Variants in ROCK1 observed in about 807,000 individuals in gnomAD.
ROCK1 encodes the protein rho-associated protein kinase 1.
ROCK1 carries 36 observed loss-of-function variants against 196.8 expected under a neutral mutation model. That is an observed-to-expected ratio of 0.18 (90% CI 0.14 to 0.24). ROCK1 has a LOEUF of 0.24. Ranked by LOEUF, ROCK1 falls within the 10% of genes least tolerant of loss-of-function variation. The pLI is 1.00. For missense variants in ROCK1, 920 were observed against 1,562.0 expected, an observed-to-expected ratio of 0.59 and a Z score of 6.93; for synonymous variants, 443 against 515.9, an observed-to-expected ratio of 0.86 and a Z score of 1.91.
intron 27 of ROCK1, among the ~76,000 whole-genome samples, chr18:20,965,163 G>A (rs2143349087): frequency 6.6e-6 from 1 of 152,270 alleles, no homozygotes; most frequent in South Asian, 2.1e-4. Flanking sequence ...GCCAAGGCAG[G>A]CAGATAGCTT....
At chr18:21,063,378 G>A (rs1342433820) in intron 2 of ROCK1, among the ~76,000 whole-genome samples, 1 of 152,160 alleles carries the variant, frequency 6.6e-6, no homozygotes, top group African/African-American at 2.4e-5. Context: ...AGATAACCAA[G>A]AGGTTAGGGA....
intron 4 of ROCK1, 80 bp from the exon 5 acceptor site, chr18:21,045,547 TTAA>T (rs949787885): frequency 4.4e-5 from 49 of 1,107,036 alleles, no homozygotes; most frequent in Non-Finnish European, 5.6e-5. Context: ...GGCAAAAATG[TTAA>T]TAAAAGATTT....
At chr18:21,062,655 T>C (rs1264423774) in intron 2 of ROCK1, among the ~76,000 whole-genome samples, 1 of 151,984 alleles carries the variant, frequency 6.6e-6, no homozygotes, top group Non-Finnish European at 1.5e-5. Flanking sequence ...TCCACAGCGT[T>C]TGGAAAAAGA....
intron 9 of ROCK1, among the ~76,000 whole-genome samples, chr18:21,030,965 G>C (rs1431314577): frequency 3.3e-5 from 5 of 152,170 alleles, no homozygotes; most frequent in African/African-American, 1.2e-4. Flanking sequence ...AGTGTTTAAT[G>C]AAGAAAGAGG....
chr18:21,081,066 T>C (rs2036478868), intron 1 of ROCK1, among the ~76,000 whole-genome samples: 1 of 152,152 alleles, frequency 6.6e-6, no homozygotes, highest in Non-Finnish European at 1.5e-5. Context: ...AAAATACACA[T>C]TTTTCTCAAG....
intron 2 of ROCK1, 29 bp downstream of exon 2, chr18:21,070,503 G>A: frequency 8.1e-7 from 1 of 1,238,514 alleles, no homozygotes; most frequent in Non-Finnish European, 1.2e-6. Flanking sequence ...TATGAAGTCT[G>A]TCATTAACCT....
chr18:21,020,109 A>G (rs1332640343), intron 12 of ROCK1, 42 bp downstream of exon 12: 1 of 1,164,404 alleles, frequency 8.6e-7, no homozygotes, highest in East Asian at 2.4e-5. Context: ...AGTATTTGGT[A>G]TATAAAACTT....
intron 16 of ROCK1, among the ~76,000 whole-genome samples, chr18:20,994,121 CAATG>C (rs2035650186): frequency 6.6e-6 from 1 of 152,038 alleles, no homozygotes; most frequent in African/African-American, 2.4e-5. Context: ...ATCTAGAAAA[CAATG>C]AAATAAATAA....
intron 20 of ROCK1, among the ~76,000 whole-genome samples, chr18:20,983,188 C>T (rs2035548654): frequency 6.7e-6 from 1 of 149,924 alleles, no homozygotes; most frequent in Non-Finnish European, 1.5e-5. Flanking sequence ...ATGTCTTGTA[C>T]AGTAAATAAA....
chr18:21,018,120 C>T (rs904864408), intron 12 of ROCK1, among the ~76,000 whole-genome samples: 1 of 151,844 alleles, frequency 6.6e-6, no homozygotes, highest in Non-Finnish European at 1.5e-5. Flanking sequence ...ATTTTATTTC[C>T]TTGAGGTGAT....
intron 27 of ROCK1, among the ~76,000 whole-genome samples, chr18:20,966,319 G>A (rs1339310296): frequency 6.6e-6 from 1 of 152,068 alleles, no homozygotes; most frequent in Non-Finnish European, 1.5e-5. Context: ...ATTCTCCACT[G>A]GGAAAAAGAA....
chr18:21,015,203 G>A (rs1241265265), intron 13 of ROCK1, among the ~76,000 whole-genome samples: 3 of 151,568 alleles, frequency 2.0e-5, no homozygotes, highest in Non-Finnish European at 2.9e-5. Flanking sequence ...TGAAATTTAC[G>A]TACTAAAATT....
At chr18:21,060,695 C>T (rs1423042947) in intron 2 of ROCK1, among the ~76,000 whole-genome samples, 1 of 152,012 alleles carries the variant, frequency 6.6e-6, no homozygotes, top group African/African-American at 2.4e-5. Context: ...CAAAATTAGC[C>T]GGGCATTGTG....
chr18:20,973,559 GA>G (rs1690924824), intron 22 of ROCK1, among the ~76,000 whole-genome samples: 1 of 152,118 alleles, frequency 6.6e-6, no homozygotes, highest in Non-Finnish European at 1.5e-5. Flanking sequence ...TTACGGGCAT[GA>G]GTCACCACAC....
intron 18 of ROCK1, among the ~76,000 whole-genome samples, chr18:20,990,597 G>A (rs1351697749): frequency 3.4e-5 from 5 of 147,990 alleles, no homozygotes; most frequent in African/African-American, 1.3e-4. Context: ...GGGAGGCTGA[G>A]GCAGGAGAAT....
intron 1 of ROCK1, among the ~76,000 whole-genome samples, chr18:21,107,754 A>G (rs2036715158): frequency 6.6e-6 from 1 of 152,182 alleles, no homozygotes; most frequent in African/African-American, 2.4e-5. Flanking sequence ...TTTTGTCTCT[A>G]AAGGAAATTC....
intron 20 of ROCK1, 54 bp downstream of exon 20, chr18:20,984,297 G>T: frequency 3.0e-6 from 4 of 1,321,994 alleles, no homozygotes; most frequent in Non-Finnish European, 3.2e-6. Flanking sequence ...AAACACACAA[G>T]TCAATGATGA....
At chr18:21,045,505 A>C (rs748700296) in intron 4 of ROCK1, 38 bp from the exon 5 acceptor site, 2 of 1,444,232 alleles carry the variant, frequency 1.4e-6, no homozygotes, top group East Asian at 5.0e-5. Context: ...CACATTCATT[A>C]ATGTTAAACA....
intron 10 of ROCK1, among the ~76,000 whole-genome samples, chr18:21,025,215 T>A (rs1414921716): frequency 2.0e-5 from 3 of 152,194 alleles, no homozygotes; most frequent in African/African-American, 7.2e-5. Context: ...GTCATTTAGG[T>A]AACTTTTTAC....
Sources: allele counts gnomAD v4.1 joint callset (sites outside exome capture counted in the v4.1 genomes callset), GRCh38; gene constraint gnomAD v4.1.1; transcripts MANE v1.5; gene names NCBI Gene and HGNC (gene_info 2026-07-23, HGNC 2026-07-21).